The following NCKAP5 variants were observed in gnomAD, a reference collection of about 807,000 sequenced individuals.
NCKAP5 encodes nck-associated protein 5.
Under a neutral mutation model 167.0 loss-of-function variants are expected in NCKAP5, and 92 were observed. That is an observed-to-expected ratio of 0.55 (90% confidence interval 0.47 to 0.66). The LOEUF is 0.66. Among genes scored for constraint, NCKAP5 ranks in the 30% least tolerant of loss-of-function variants. NCKAP5 has a pLI of 0.00. For synonymous variants in NCKAP5, 891 were observed against 877.4 expected, an observed-to-expected ratio of 1.02 and a Z score of -0.27; for missense variants, 2,378 against 2,315.0, an observed-to-expected ratio of 1.03 and a Z score of -0.56.
intron 7 of NCKAP5, among the ~76,000 whole-genome samples, chr2:132,978,301 G>A (rs1234091683): frequency 6.6e-6 from 1 of 152,124 alleles, no homozygotes; most frequent in Non-Finnish European, 1.5e-5. Context: ...TAGTCTTCTA[G>A]ATTTCACCAG....
At chr2:133,662,712 A>G in the NCKAP5 span, among the ~76,000 whole-genome samples, 1 of 149,922 alleles carries the variant, frequency 6.7e-6, no homozygotes, top group Non-Finnish European at 1.5e-5. Flanking sequence ...TCTGAATATT[A>G]AAATAATAGG....
chr2:133,553,794 G>C (rs1687547908), intron 2 of NCKAP5, among the ~76,000 whole-genome samples: 1 of 152,176 alleles, frequency 6.6e-6, no homozygotes, highest in Non-Finnish European at 1.5e-5. Flanking sequence ...GTTATATACA[G>C]AAATAGAGAT....
chr2:132,885,829 A>C (rs56033011), intron 8 of NCKAP5, among the ~76,000 whole-genome samples: 12,762 of 152,326 alleles, frequency 0.084, 635 homozygotes, highest in East Asian at 0.22. Flanking sequence ...AAATTTGTTT[A>C]ATAGATCCTT....
chr2:133,020,974 G>C (rs2078506656), intron 6 of NCKAP5, among the ~76,000 whole-genome samples: 1 of 152,184 alleles, frequency 6.6e-6, no homozygotes, highest in South Asian at 2.1e-4. Context: ...TTACCTACTT[G>C]TGGTAATGAC....
intron 3 of NCKAP5, among the ~76,000 whole-genome samples, chr2:133,410,108 T>C (rs1688680338): frequency 6.6e-6 from 1 of 152,150 alleles, no homozygotes; most frequent in African/African-American, 2.4e-5. Flanking sequence ...AACTCCCAAG[T>C]CTCATTTTAA....
At chr2:132,928,124 G>A (rs1696060360) in intron 8 of NCKAP5, among the ~76,000 whole-genome samples, 1 of 152,142 alleles carries the variant, frequency 6.6e-6, no homozygotes, top group Admixed American at 6.5e-5. Flanking sequence ...GACTACTTGG[G>A]AATCCAATGT....
intron 3 of NCKAP5, among the ~76,000 whole-genome samples, chr2:133,332,056 A>C (rs1334939365): frequency 6.6e-6 from 1 of 152,186 alleles, no homozygotes; most frequent in Non-Finnish European, 1.5e-5. Context: ...TGAACTGTCA[A>C]GTAAGGAGAT....
intron 3 of NCKAP5, among the ~76,000 whole-genome samples, chr2:133,512,057 G>C (rs1330765563): frequency 6.6e-6 from 1 of 152,164 alleles, no homozygotes; most frequent in Non-Finnish European, 1.5e-5. Context: ...AGTCAAGAAA[G>C]ATCCAGTCAT....
intron 11 of NCKAP5, among the ~76,000 whole-genome samples, chr2:132,859,116 C>T (rs1003511042): frequency 1.3e-4 from 20 of 152,192 alleles, no homozygotes; most frequent in South Asian, 6.2e-4. Flanking sequence ...TAGATGACTT[C>T]GCTCCCACCC....
At chr2:133,608,306 A>C in the NCKAP5 span, among the ~76,000 whole-genome samples, 6 of 152,188 alleles carry the variant, frequency 3.9e-5, no homozygotes, top group East Asian at 1.9e-4. Context: ...CATTCTGCTT[A>C]AGTCCTGTAG....
At chr2:132,767,487 C>T (rs1264420654) in intron 16 of NCKAP5, among the ~76,000 whole-genome samples, 1 of 152,146 alleles carries the variant, frequency 6.6e-6, no homozygotes, top group African/African-American at 2.4e-5. Context: ...CTTAGGTTAT[C>T]CACCCGCCTT....
intron 5 of NCKAP5, among the ~76,000 whole-genome samples, chr2:133,184,093 G>A (rs1227525979): frequency 1.3e-5 from 2 of 151,988 alleles, no homozygotes; most frequent in Non-Finnish European, 2.9e-5. Flanking sequence ...GTACCCAACA[G>A]GTAGTTTGTT....
At chr2:133,615,612 A>G in the NCKAP5 span, among the ~76,000 whole-genome samples, 22 of 152,352 alleles carry the variant, frequency 1.4e-4, no homozygotes, top group Admixed American at 9.8e-4. Flanking sequence ...TATCCTAAAT[A>G]TAGATGCACC....
At chr2:133,371,509 C>T (rs1463000752) in intron 3 of NCKAP5, among the ~76,000 whole-genome samples, 1 of 152,116 alleles carries the variant, frequency 6.6e-6, no homozygotes, top group Non-Finnish European at 1.5e-5. Context: ...TAATGATGTC[C>T]GCTTCAGAAG....
chr2:133,586,751 TCACACACACACACACA>T, the NCKAP5 span, among the ~76,000 whole-genome samples: 21 of 140,932 alleles, frequency 1.5e-4, no homozygotes, highest in Admixed American at 2.8e-4. Flanking sequence ...GACAGCAATA[TCACACACACACACACA>T]CACACACACA....
intron 3 of NCKAP5, among the ~76,000 whole-genome samples, chr2:133,402,900 G>C (rs1688190806): frequency 6.6e-6 from 1 of 152,160 alleles, no homozygotes; most frequent in African/African-American, 2.4e-5. Context: ...CTAATACAGT[G>C]ACAATGCATC....
At chr2:132,863,003 G>T (rs1690048900) in intron 10 of NCKAP5, among the ~76,000 whole-genome samples, 1 of 151,924 alleles carries the variant, frequency 6.6e-6, no homozygotes, top group South Asian at 2.1e-4. Flanking sequence ...TGTATTTTTA[G>T]TAGAGACAGG....
intron 6 of NCKAP5, among the ~76,000 whole-genome samples, chr2:133,012,018 T>C (rs1379681479): frequency 2.0e-5 from 3 of 152,314 alleles, no homozygotes; most frequent in Non-Finnish European, 2.9e-5. Context: ...TAGCTGTTTT[T>C]ATCTCTCCAC....
At chr2:132,776,502 C>T (rs750446515) in intron 15 of NCKAP5, among the ~76,000 whole-genome samples, 1 of 152,164 alleles carries the variant, frequency 6.6e-6, no homozygotes, top group African/African-American at 2.4e-5. Context: ...GGTGAACAAG[C>T]CCCCTGGCTC....
Sources: allele counts gnomAD v4.1 joint callset (sites outside exome capture counted in the v4.1 genomes callset), GRCh38; gene constraint gnomAD v4.1.1; transcripts MANE v1.5; gene names NCBI Gene and HGNC (gene_info 2026-07-23, HGNC 2026-07-21).